Variants in UBE2N observed in about 807,000 individuals in gnomAD.
UBE2N encodes the protein ubiquitin conjugating enzyme E2 N.
For missense variants in UBE2N, 60 were observed against 192.1 expected, an observed-to-expected ratio of 0.31 and a Z score of 4.07; for synonymous variants, 70 against 69.2, an observed-to-expected ratio of 1.01 and a Z score of -0.06.
At position 93,408,575 on chromosome 12, in the gene UBE2N, A is replaced by G. The variant is rs1877934555; in HGVS notation, c.*1464T>C. The G allele has an allele frequency of 6.6e-6, 1 of 152,224 alleles. No homozygotes were observed. The highest frequency in any genetic ancestry group is 2.4e-5 in the African/African-American group (1 of 41,468). The allele number at this position is 152,224 out of a possible 1,614,324, so 9.4% of individuals were successfully genotyped here. ...TATGTATTTATGACTGGCTACATTT[A>G]TGACTTAAAAATAACAAGAATCAGG... On this transcript the variant is annotated 3_prime_UTR_variant, in exon 4 of 4. Coordinates refer to ENST00000318066, the MANE Select transcript of UBE2N (RefSeq NM_003348.4).
At chr12:93,413,457 T>A (rs767887843) in intron 1 of UBE2N, among the ~76,000 whole-genome samples, 2 of 152,086 alleles carry the variant, frequency 1.3e-5, no homozygotes, top group Non-Finnish European at 2.9e-5. Flanking sequence ...CTAATTCATA[T>A]CTAGCCCAGA....
At position 93,407,742 on chromosome 12, in the gene UBE2N, G is replaced by C. The variant is rs904530589; in HGVS notation, c.*2297C>G. The C allele has an allele frequency of 4.6e-5, 7 of 152,176 alleles. No individual in the cohort carries two copies. Among genetic ancestry groups the C allele is most frequent in the African/African-American group, 1.4e-4 (6 of 41,438 alleles). The allele number at this position is 152,176 out of a possible 1,614,324, so 9.4% of individuals were successfully genotyped here. On this transcript the variant is annotated 3_prime_UTR_variant, in exon 4 of 4. Transcript: ENST00000318066. ...TTAACCAGCCACACTGTGTGGGCCA[G>C]GGAAAACAGGCCCAAAGGCCAGGTG...
intron 1 of UBE2N, among the ~76,000 whole-genome samples, chr12:93,422,469 T>C (rs1878445568): frequency 6.6e-6 from 1 of 152,252 alleles, no homozygotes; most frequent in South Asian, 2.1e-4. Context: ...TCATTGGGAC[T>C]GCTGTGTGCC....
At chr12:93,433,316 T>C (rs1006718138) in intron 1 of UBE2N, among the ~76,000 whole-genome samples, 19 of 152,158 alleles carry the variant, frequency 1.2e-4, no homozygotes, top group African/African-American at 4.6e-4. Flanking sequence ...TTTCTGTTGA[T>C]TCTGAGGGCT....
intron 1 of UBE2N, among the ~76,000 whole-genome samples, chr12:93,430,400 A>G (rs916653487): frequency 9.9e-5 from 15 of 152,164 alleles, no homozygotes; most frequent in African/African-American, 3.4e-4. Context: ...TCAAGACTGT[A>G]TATTTTGCCG....
intron 1 of UBE2N, among the ~76,000 whole-genome samples, chr12:93,421,572 C>A (rs1484074419): frequency 6.6e-6 from 1 of 152,120 alleles, no homozygotes; most frequent in Non-Finnish European, 1.5e-5. Flanking sequence ...CTATTTTCAA[C>A]CCTTCATAAT....
intron 1 of UBE2N, among the ~76,000 whole-genome samples, chr12:93,413,276 A>G (rs540512981): frequency 6.6e-6 from 1 of 152,272 alleles, no homozygotes; most frequent in South Asian, 2.1e-4. Flanking sequence ...CTTGTCTGGC[A>G]GCAGCTTCCT....
At chr12:93,435,917 T>A (rs946444767) in intron 1 of UBE2N, among the ~76,000 whole-genome samples, 2 of 148,696 alleles carry the variant, frequency 1.3e-5, no homozygotes, top group Non-Finnish European at 3.1e-5. Context: ...TGTATTTTCT[T>A]AAGTAAATTT....
At chr12:93,412,415 T>C (rs1265358985) in intron 1 of UBE2N, among the ~76,000 whole-genome samples, 1 of 152,248 alleles carries the variant, frequency 6.6e-6, no homozygotes. Context: ...TCACGTACTC[T>C]TGGCTAGGGC....
intron 1 of UBE2N, among the ~76,000 whole-genome samples, chr12:93,435,982 C>T (rs1422451090): frequency 1.3e-5 from 2 of 152,094 alleles, no homozygotes; most frequent in African/African-American, 2.4e-5. Context: ...GTAAATTCTG[C>T]GAAAGACTGG....
chr12:93,433,408 G>A (rs1298828002), intron 1 of UBE2N, among the ~76,000 whole-genome samples: 2 of 152,040 alleles, frequency 1.3e-5, no homozygotes, highest in Admixed American at 6.6e-5. Flanking sequence ...CACTTCACTT[G>A]GGAAGAAATT....
intron 1 of UBE2N, among the ~76,000 whole-genome samples, chr12:93,412,714 T>A (rs1878065638): frequency 6.6e-6 from 1 of 152,134 alleles, no homozygotes; most frequent in Non-Finnish European, 1.5e-5. Context: ...TAGAACTTTT[T>A]AAAAGAGGTA....
At chr12:93,423,849 T>A (rs1370345169) in intron 1 of UBE2N, among the ~76,000 whole-genome samples, 1 of 152,232 alleles carries the variant, frequency 6.6e-6, no homozygotes. Context: ...TAGTCTTCCC[T>A]GCTGAAGGAG....
intron 1 of UBE2N, among the ~76,000 whole-genome samples, chr12:93,423,245 T>C (rs899159978): frequency 2.6e-5 from 4 of 152,236 alleles, no homozygotes; most frequent in Middle Eastern, 3.2e-3. Context: ...CTGAAGAATG[T>C]GTGAGGTAAC....
Position 93,408,272 on chromosome 12 carries a change from G to C in UBE2N, c.*1767C>G, listed in dbSNP as rs1023969542. Reference sequence around the variant, plus strand: ...TCAGTTTTCAAATTTTACAATATTAGGGTTGTTAACTATTTCATTCTGAAT... The same window carrying C: ...TCAGTTTTCAAATTTTACAATATTACGGTTGTTAACTATTTCATTCTGAAT... On this transcript the variant is annotated 3_prime_UTR_variant, in exon 4 of 4. Transcript: ENST00000318066. 1.3e-5 allele frequency: 2 copies of C among 152,182 alleles called. No homozygotes were observed. The highest frequency in any genetic ancestry group is 6.5e-5 in the Admixed American group (1 of 15,278). The allele number at this position is 152,182 out of a possible 1,614,324, so 9.4% of individuals were successfully genotyped here. A position where few individuals can be genotyped will look rare whatever the true frequency, so the allele number is the denominator to read the frequency against.
intron 1 of UBE2N, among the ~76,000 whole-genome samples, chr12:93,438,631 T>C (rs1343767315): frequency 6.6e-6 from 1 of 152,130 alleles, no homozygotes; most frequent in African/African-American, 2.4e-5. Context: ...CTACAGTTTT[T>C]AGCAGGGGAG....
At chr12:93,440,803 A>AT (rs2121106687) in intron 1 of UBE2N, among the ~76,000 whole-genome samples, 1 of 152,342 alleles carries the variant, frequency 6.6e-6, no homozygotes, top group South Asian at 2.1e-4. Context: ...AGACTTGTCG[A>AT]TATTTCCTTA....
At chr12:93,434,715 C>T (rs903284747) in intron 1 of UBE2N, among the ~76,000 whole-genome samples, 31 of 151,874 alleles carry the variant, frequency 2.0e-4, no homozygotes, top group Admixed American at 1.4e-3. Flanking sequence ...AGAAGTCATA[C>T]GTTAAAAAAA....
intron 1 of UBE2N, among the ~76,000 whole-genome samples, chr12:93,413,206 C>A (rs1260815140): frequency 6.6e-6 from 1 of 152,200 alleles, no homozygotes; most frequent in African/African-American, 2.4e-5. Flanking sequence ...CAGCTGGTCT[C>A]CTTCCTCTTT....
Sources: allele counts gnomAD v4.1 joint callset (sites outside exome capture counted in the v4.1 genomes callset), GRCh38; gene constraint gnomAD v4.1.1; transcripts MANE v1.5; gene names NCBI Gene and HGNC (gene_info 2026-07-23, HGNC 2026-07-21).